The following LTAP1 variants were observed in gnomAD, a reference collection of about 807,000 sequenced individuals.
LTAP1 encodes the protein lipid transport auxiliary protein 1, also known as HCV NS5A-transactivated protein 4.
chr1:154,208,890 G>C, the LTAP1 span, among the ~76,000 whole-genome samples: 2 of 152,086 alleles, frequency 1.3e-5, no homozygotes, highest in Non-Finnish European at 1.5e-5. Flanking sequence ...GGGGATTGCA[G>C]GTGCATACCA....
chr1:154,214,844 ATTTTT>A, the LTAP1 span, among the ~76,000 whole-genome samples: 1 of 140,346 alleles, frequency 7.1e-6, no homozygotes, highest in East Asian at 2.1e-4. Context: ...ATTATTTCCA[ATTTTT>A]TTTTTTTTTT....
chr1:154,207,161 A>T, the LTAP1 span: 1 of 289,436 alleles, frequency 3.5e-6, no homozygotes, highest in Non-Finnish European at 6.5e-6. Flanking sequence ...AACCAAGTGA[A>T]GATTTTTAAG....
chr1:154,218,066 A>T, the LTAP1 span, among the ~76,000 whole-genome samples: 1 of 152,202 alleles, frequency 6.6e-6, no homozygotes, highest in Non-Finnish European at 1.5e-5. Context: ...AAGTGCTAGG[A>T]CTACAGGTAT....
chr1:154,212,787 G>T, the LTAP1 span: 1 of 666,096 alleles, frequency 1.5e-6, no homozygotes, highest in Non-Finnish European at 2.5e-6. Flanking sequence ...TCAGCCTCCT[G>T]ATTAGCTGGG....
chr1:154,217,140 G>A, the LTAP1 span, among the ~76,000 whole-genome samples: 3 of 151,184 alleles, frequency 2.0e-5, no homozygotes, highest in East Asian at 5.9e-4. Flanking sequence ...GTACAGTCGG[G>A]GTTTCACCGT....
chr1:154,218,268 C>T, the LTAP1 span, among the ~76,000 whole-genome samples: 1 of 152,140 alleles, frequency 6.6e-6, no homozygotes, highest in South Asian at 2.1e-4. Flanking sequence ...GCAATCTTAC[C>T]AGACAATGAC....
chr1:154,211,478 A>G, the LTAP1 span, among the ~76,000 whole-genome samples: 2 of 150,780 alleles, frequency 1.3e-5, no homozygotes, highest in African/African-American at 2.4e-5. Context: ...CTGAGATTAC[A>G]GGCACGCACC....
At chr1:154,210,388 A>G in the LTAP1 span, among the ~76,000 whole-genome samples, 7 of 152,212 alleles carry the variant, frequency 4.6e-5, no homozygotes, top group African/African-American at 1.4e-4. Context: ...AGGGACAGAG[A>G]GAAGACAGGA....
the LTAP1 span, among the ~76,000 whole-genome samples, chr1:154,210,555 G>A: frequency 1.3e-5 from 2 of 152,138 alleles, no homozygotes; most frequent in African/African-American, 2.4e-5. Flanking sequence ...TTGGCTCACT[G>A]CAACCTCCAC....
chr1:154,220,548 G>A, the LTAP1 span: 4 of 831,608 alleles, frequency 4.8e-6, no homozygotes, highest in East Asian at 2.6e-5. Context: ...AGCCAGACCC[G>A]GCCTGAAAAC....
chr1:154,219,721 C>T, the LTAP1 span: 1 of 796,220 alleles, frequency 1.3e-6, no homozygotes, highest in Non-Finnish European at 2.0e-6. Flanking sequence ...AGTACAAGGA[C>T]AAGTGCACGC....
At chr1:154,214,470 G>A in the LTAP1 span, 1 of 1,611,428 alleles carries the variant, frequency 6.2e-7, no homozygotes, top group Admixed American at 1.7e-5. Context: ...GATTTCCCTG[G>A]GTTTCCAGTT....
the LTAP1 span, among the ~76,000 whole-genome samples, chr1:154,214,828 A>C: frequency 6.6e-6 from 1 of 150,562 alleles, no homozygotes; most frequent in South Asian, 2.1e-4. Flanking sequence ...GCTATACAGC[A>C]CCAACATTAT....
At chr1:154,216,059 G>A in the LTAP1 span, among the ~76,000 whole-genome samples, 10 of 151,990 alleles carry the variant, frequency 6.6e-5, no homozygotes, top group South Asian at 6.2e-4. Flanking sequence ...GGTTGGTCTC[G>A]ATCTGCTGAC....
chr1:154,219,705 T>C, the LTAP1 span: 5 of 711,264 alleles, frequency 7.0e-6, no homozygotes, highest in Middle Eastern at 2.5e-4. Flanking sequence ...CCTGCTCAAC[T>C]TAGTAAGTAC....
the LTAP1 span, chr1:154,219,742 G>T: frequency 1.1e-6 from 1 of 923,162 alleles, no homozygotes; most frequent in East Asian, 2.6e-5. Flanking sequence ...AAAGAAACAT[G>T]AGAATTAAAG....
the LTAP1 span, among the ~76,000 whole-genome samples, chr1:154,209,423 G>GTT: frequency 2.8e-4 from 29 of 101,812 alleles, no homozygotes; most frequent in African/African-American, 4.3e-4. Flanking sequence ...GCTCTAAGCA[G>GTT]TTTTTTTTTT....
chr1:154,208,195 G>A, the LTAP1 span, among the ~76,000 whole-genome samples: 172 of 152,100 alleles, frequency 1.1e-3, no homozygotes, highest in African/African-American at 4.0e-3. Flanking sequence ...TGAGCCCAGG[G>A]GAGTTTGAGA....
At chr1:154,208,853 C>T in the LTAP1 span, among the ~76,000 whole-genome samples, 11 of 151,974 alleles carry the variant, frequency 7.2e-5, no homozygotes, top group African/African-American at 2.7e-4. Context: ...TAGGTTGAAG[C>T]GACCTGTCTC....
Sources: gnomAD v4.1 joint callset for allele counts (sites outside exome capture counted in the v4.1 genomes callset) on GRCh38, gnomAD v4.1.1 for gene constraint, MANE v1.5 for transcripts, NCBI Gene and HGNC (gene_info 2026-07-23, HGNC 2026-07-21) for gene names.